The following VSNL1 variants were observed in gnomAD, a reference collection of about 807,000 sequenced individuals.
VSNL1 encodes visinin-like protein 1.
A neutral mutation model predicts 20.4 loss-of-function variants in VSNL1; 6 were observed. The ratio of observed to expected loss-of-function variants is 0.29; its 90% CI spans 0.16 to 0.58. VSNL1 has a LOEUF of 0.58. Among genes scored for constraint, VSNL1 ranks in the 20% least tolerant of loss-of-function variants. The pLI is 0.90. For missense variants in VSNL1, 100 were observed against 234.5 expected (o/e 0.43, Z 3.75); for synonymous variants, 93 against 86.4 (o/e 1.08, Z -0.42).
Position 17,601,884 on chromosome 2 carries a change from C to T in VSNL1, c.162+9648C>T, listed in dbSNP as rs1472862752. Among the ~76,000 whole-genome samples the T allele has an allele frequency of 4.6e-5, 7 of 151,960 alleles. No homozygotes were observed. In the East Asian group the frequency reaches 9.6e-4, roughly 21 times the overall value. ...CCGGGAGGCAGAGGTTGCAGTGAGCCGAGATTGTGCCACCGCACTCCAGCC... is the reference window on the plus strand; with the variant it reads ...CCGGGAGGCAGAGGTTGCAGTGAGCTGAGATTGTGCCACCGCACTCCAGCC... On this transcript the variant is annotated intron_variant, in intron 2 of 3. Coordinates refer to ENST00000295156, the MANE Select transcript of VSNL1 (RefSeq NM_003385.5).
intron 1 of VSNL1, among the ~76,000 whole-genome samples, chr2:17,556,630 A>C (rs62131464): frequency 0.024 from 3,664 of 152,322 alleles, 44 homozygotes; most frequent in Middle Eastern, 0.054. Flanking sequence ...GATAGTTATC[A>C]TTGTTCACAG....
chr2:17,628,357 G>A (rs1665556425), intron 2 of VSNL1, among the ~76,000 whole-genome samples: 1 of 152,208 alleles, frequency 6.6e-6, no homozygotes, highest in African/African-American at 2.4e-5. Context: ...GATATATAGT[G>A]TAGGGAGGAG....
chr2:17,633,431 A>G (rs1003079653), intron 2 of VSNL1, among the ~76,000 whole-genome samples: 2 of 150,194 alleles, frequency 1.3e-5, no homozygotes, highest in African/African-American at 4.9e-5. Flanking sequence ...AGGCACAAGA[A>G]TTGCTTGAAC....
rs1249499536 is a variant in VSNL1 at position 17,649,455 on chromosome 2, C to T, written c.208C>T (p.Arg70Ter). The stretch of plus-strand genomic sequence containing the variant: ...CTCCAAGTTTGCCCAGCATGCCTTC[C>T]GAACCTTCGACAAGAATGGGGACGG... ...DASKFAQHAFRTFDKNGDGTI... is the reference protein window; with the variant it reads ...DASKFAQHAF The change falls in exon 3 of 4, where the codon CGA (arginine) becomes TGA (stop). Residue 70 changes from arginine to a stop codon, truncating the protein, a stop_gained. Coordinates refer to ENST00000295156, the MANE Select transcript of VSNL1 (RefSeq NM_003385.5). LOFTEE classifies it high-confidence loss of function. The surrounding 1 kb of genome is among the most constrained non-coding windows in gnomAD (Gnocchi z 6.4). 3 of 1,614,098 alleles carry T rather than the reference C, an allele frequency of 1.9e-6. No homozygotes were observed. Among genetic ancestry groups the T allele is most frequent in the Non-Finnish European group, 2.5e-6 (3 of 1,180,050 alleles).
chr2:17,617,257 G>T (rs530800671), intron 2 of VSNL1, among the ~76,000 whole-genome samples: 2 of 152,270 alleles, frequency 1.3e-5, no homozygotes, highest in Admixed American at 1.3e-4. Context: ...CACTTTGAGA[G>T]CCCAAGGTGG....
Position 17,643,280 on chromosome 2 carries a change from A to G in VSNL1, c.163-6130A>G, listed in dbSNP as rs186144590. On this transcript the variant is annotated intron_variant, in intron 2 of 3. Coordinates refer to ENST00000295156, the MANE Select transcript of VSNL1 (RefSeq NM_003385.5). ...GTTTTTGGACTCACCATTTCTAATT[A>G]AGGGAAAATGTCTCTCGTCTTCCCA... Among the ~76,000 whole-genome samples, 1,353 of 152,284 alleles carry G rather than the reference A, an allele frequency of 8.9e-3. 10 individuals carry two copies. Among genetic ancestry groups the G allele is most frequent in the Non-Finnish European group, 0.014 (943 of 68,022 alleles).
intron 1 of VSNL1, among the ~76,000 whole-genome samples, chr2:17,581,959 T>C (rs1224145318): frequency 6.6e-6 from 1 of 152,218 alleles, no homozygotes; most frequent in African/African-American, 2.4e-5. Context: ...CAGATACTAC[T>C]GTGGCAGGTG....
chr2:17,598,913 T>C (rs890225154), intron 2 of VSNL1, among the ~76,000 whole-genome samples: 1 of 152,202 alleles, frequency 6.6e-6, no homozygotes, highest in Non-Finnish European at 1.5e-5. Context: ...GTTAAATTGG[T>C]TTTTACTATG....
At chr2:17,633,689 A>G (rs1345274060) in intron 2 of VSNL1, among the ~76,000 whole-genome samples, 1 of 152,180 alleles carries the variant, frequency 6.6e-6, no homozygotes, top group Non-Finnish European at 1.5e-5. Flanking sequence ...ATGTCAGAGC[A>G]GAGTTGGGGG....
intron 1 of VSNL1, among the ~76,000 whole-genome samples, chr2:17,564,403 A>G (rs1423874261): frequency 6.6e-6 from 1 of 152,198 alleles, no homozygotes; most frequent in African/African-American, 2.4e-5. Context: ...TTATTACACC[A>G]TCTCATTAGG....
At chr2:17,648,096 G>A (rs1259632900) in intron 2 of VSNL1, among the ~76,000 whole-genome samples, 3 of 152,148 alleles carry the variant, frequency 2.0e-5, no homozygotes, top group Non-Finnish European at 4.4e-5. Context: ...TTGTTATATA[G>A]GAATAGTCTC....
intron 2 of VSNL1, among the ~76,000 whole-genome samples, chr2:17,622,635 T>A (rs1214607021): frequency 6.6e-6 from 1 of 151,486 alleles, no homozygotes; most frequent in East Asian, 1.9e-4. Flanking sequence ...ATCCTAGTAA[T>A]GTTGCAGCAC....
chr2:17,622,532 A>AAAAGAAAGAAAGAAAGAAGG (rs1665390506), intron 2 of VSNL1, among the ~76,000 whole-genome samples: 2 of 98,644 alleles, frequency 2.0e-5, no homozygotes, highest in African/African-American at 7.8e-5. Flanking sequence ...AGAAAGAAAG[A>AAAAGAAAGAAAGAAAGAAGG]AAAGAAAGAA....
intron 1 of VSNL1, among the ~76,000 whole-genome samples, chr2:17,577,219 A>C (rs1664235632): frequency 6.6e-6 from 1 of 152,248 alleles, no homozygotes; most frequent in Non-Finnish European, 1.5e-5. Flanking sequence ...ACTCTGAGGC[A>C]CATGACATTA....
intron 1 of VSNL1, among the ~76,000 whole-genome samples, chr2:17,549,226 C>G (rs1444924453): frequency 6.6e-6 from 1 of 152,180 alleles, no homozygotes; most frequent in Non-Finnish European, 1.5e-5. Flanking sequence ...AGGCCATACA[C>G]ACAACACATG....
At chr2:17,547,173 G>A (rs1663423271) in intron 1 of VSNL1, among the ~76,000 whole-genome samples, 1 of 151,908 alleles carries the variant, frequency 6.6e-6, no homozygotes, top group Admixed American at 6.6e-5. Flanking sequence ...AATTCCCAGG[G>A]CCATAGTTTA....
intron 1 of VSNL1, among the ~76,000 whole-genome samples, chr2:17,547,737 A>G (rs1663434212): frequency 1.3e-5 from 2 of 152,070 alleles, no homozygotes; most frequent in South Asian, 4.1e-4. Context: ...TTACTTTATC[A>G]TCATCACCCT....
At chr2:17,571,185 A>T in intron 1 of VSNL1, among the ~76,000 whole-genome samples, 1 of 152,230 alleles carries the variant, frequency 6.6e-6, no homozygotes, top group East Asian at 1.9e-4. Context: ...CTTATGTTTT[A>T]GCTATGGTTT....
chr2:17,637,733 GA>G (rs940674562), intron 2 of VSNL1, among the ~76,000 whole-genome samples: 87 of 152,212 alleles, frequency 5.7e-4, no homozygotes, highest in Admixed American at 5.6e-3. Flanking sequence ...ATTTTCATGA[GA>G]TCCCCAGGAG....
Sources: allele counts gnomAD v4.1 joint callset (sites outside exome capture counted in the v4.1 genomes callset), GRCh38; gene constraint gnomAD v4.1.1; non-coding constraint Gnocchi (gnomAD v3.1); transcripts MANE v1.5; gene names NCBI Gene and HGNC (gene_info 2026-07-23, HGNC 2026-07-21).